Variants in EFCAB12 observed in about 807,000 individuals in gnomAD.
The protein encoded by EFCAB12 is EF-hand calcium-binding domain-containing protein 12.
In EFCAB12, 43 loss-of-function variants were observed where a neutral mutation model predicts 53.6. That is an observed-to-expected ratio of 0.80 (90% CI 0.63 to 1.03). The LOEUF is 1.03. Ranked by LOEUF, EFCAB12 falls within the 50% of genes least tolerant of loss-of-function variation. The pLI is 0.00. For synonymous variants in EFCAB12, 269 were observed against 289.2 expected (o/e 0.93, Z 0.71); for missense variants, 646 against 730.6 (o/e 0.88, Z 1.34).
At chr3:129,420,969 A>C (rs2072180135) in intron 2 of EFCAB12, among the ~76,000 whole-genome samples, 1 of 152,220 alleles carries the variant, frequency 6.6e-6, no homozygotes, top group African/African-American at 2.4e-5. Context: ...CCATGTGGGG[A>C]GGAACTGAGG....
intron 6 of EFCAB12, among the ~76,000 whole-genome samples, chr3:129,406,203 T>C (rs142912751): frequency 6.6e-6 from 1 of 152,182 alleles, no homozygotes; most frequent in East Asian, 1.9e-4. Context: ...AAGACCATGG[T>C]GTAAATAATC....
intron 3 of EFCAB12, among the ~76,000 whole-genome samples, chr3:129,417,890 C>T (rs192547202): frequency 1.3e-4 from 20 of 151,358 alleles, no homozygotes; most frequent in Non-Finnish European, 2.8e-4. Context: ...AACTTATATG[C>T]CAGTGACAGT....
chr3:129,423,688 T>C (rs2072216648), intron 1 of EFCAB12, among the ~76,000 whole-genome samples: 1 of 152,102 alleles, frequency 6.6e-6, no homozygotes, highest in Admixed American at 6.6e-5. Context: ...CACTGTCATT[T>C]TCCTCCTAAA....
chr3:129,425,414 A>C, intron 1 of EFCAB12, among the ~76,000 whole-genome samples: 2 of 147,678 alleles, frequency 1.4e-5, no homozygotes, highest in African/African-American at 5.0e-5. Flanking sequence ...CCGCCCCCTC[A>C]CTCATGTGGT....
chr3:129,407,024 C>G (rs1174671585), intron 6 of EFCAB12, among the ~76,000 whole-genome samples: 1 of 152,118 alleles, frequency 6.6e-6, no homozygotes, highest in South Asian at 2.1e-4. Flanking sequence ...CTGTGCCCAG[C>G]CTGGAGATAA....
chr3:129,401,386 A>T lies in EFCAB12; in HGVS notation c.*207T>A. The T allele has an allele frequency of 1.6e-6, 1 of 613,916 alleles. No individual in the cohort carries two copies. Among genetic ancestry groups the T allele is most frequent in the African/African-American group, 1.8e-5 (1 of 54,322 alleles). The allele number at this position is 613,916 out of a possible 1,614,324, so 38.0% of individuals were successfully genotyped here. ...CAGAGGTCAGGGGAGGGAAATAGTC[A>T]AAAACTGCACGTCATTCCTTGGACA... On this transcript the variant is annotated 3_prime_UTR_variant, in exon 9 of 9. Coordinates refer to ENST00000505956, the MANE Select transcript of EFCAB12 (RefSeq NM_207307.3).
At chr3:129,424,635 C>T (rs2072249042) in intron 1 of EFCAB12, among the ~76,000 whole-genome samples, 1 of 152,226 alleles carries the variant, frequency 6.6e-6, no homozygotes, top group South Asian at 2.1e-4. Flanking sequence ...AGATATTACA[C>T]ATCAATAGGG....
Position 129,421,527 on chromosome 3 carries a change from C to T in EFCAB12, c.326G>A (p.Arg109Lys). 1.9e-6 allele frequency: 3 copies of T among 1,614,056 alleles called. No individual in the cohort carries two copies. Among genetic ancestry groups the T allele is most frequent in the South Asian group, 1.1e-5 (1 of 91,088 alleles). Residue 109 changes from arginine to lysine, a missense_variant, in exon 2 of 9, where the codon AGG becomes AAG. By Grantham distance (26) the Arg-to-Lys change is conservative (BLOSUM62 2). Coordinates refer to ENST00000505956, the MANE Select transcript of EFCAB12 (RefSeq NM_207307.3). ...PEDRKTWLSQ[R>K]SKLRQELESF... ...CTCTAGCTCCTGCCGCAGCTTCGAC[C>T]TCTGGCTCAGCCAGGTCTTCCTGTC...
Position 129,404,269 on chromosome 3 carries a change from T to G in EFCAB12, c.1384A>C (p.Lys462Gln). ...CTCAGCTTGTCAGTCCTCTTAGACT[T>G]GCCAGGGCCCTGGGACCGGAGCAGA... ...LALLRSQGPG[K>Q]SKRTDKKTPK... is the part of the protein sequence containing the mutation. Residue 462 changes from lysine (K) to glutamine (Q), a missense_variant, in exon 7 of 9, where the codon AAG becomes CAG. By Grantham distance (53) the Lys-to-Gln change is moderately conservative. Transcript: ENST00000505956. The G allele has an allele frequency of 6.2e-7, 1 of 1,613,610 alleles. No individual in the cohort carries two copies. Among genetic ancestry groups the G allele is most frequent in the Non-Finnish European group, 8.5e-7 (1 of 1,179,676 alleles).
chr3:129,408,521 C>T, intron 6 of EFCAB12, 124 bp downstream of exon 6: 1 of 1,062,942 alleles, frequency 9.4e-7, no homozygotes, highest in South Asian at 1.5e-5. Context: ...GCCTTATTCC[C>T]AATGTCCCCA....
intron 2 of EFCAB12, among the ~76,000 whole-genome samples, chr3:129,420,297 T>C (rs2072172795): frequency 6.6e-6 from 1 of 152,196 alleles, no homozygotes; most frequent in South Asian, 2.1e-4. Flanking sequence ...TTAGACATCA[T>C]AGCGACCCCA....
chr3:129,428,377 C>T, intron 1 of EFCAB12, 63 bp downstream of exon 1: 2 of 1,559,170 alleles, frequency 1.3e-6, no homozygotes, highest in South Asian at 1.2e-5. Context: ...TTGCCCTCAC[C>T]CCACTTTCAC....
chr3:129,403,186 C>T (rs73202266), intron 7 of EFCAB12: 11,516 of 152,920 alleles, frequency 0.075, 503 homozygotes, highest in South Asian at 0.1. Context: ...TTCCCAGCCA[C>T]TTCCTGGCCC....
chr3:129,418,262 C>T lies in EFCAB12; in HGVS notation c.673G>A (p.Val225Ile), dbSNP rs757319040. The change falls in exon 3 of 9, where the codon GTA becomes ATA. Residue 225 changes from valine (V) to isoleucine (I), a missense_variant. Physicochemically the swap from Val to Ile is conservative, Grantham distance 29. Coordinates refer to ENST00000505956, the MANE Select transcript of EFCAB12 (RefSeq NM_207307.3). ...AAGCAGGTGGCACTTACTGCCTTTACAGCCGCGATGAACTCCTCCCTGGTG... is the reference window on the plus strand; with the variant it reads ...AAGCAGGTGGCACTTACTGCCTTTATAGCCGCGATGAACTCCTCCCTGGTG... ...RITREEFIAAVKAVGVPLKNQ... is the reference protein window; with the variant it reads ...RITREEFIAAIKAVGVPLKNQ... 6.8e-6 allele frequency: 11 copies of T among 1,608,654 alleles called. No individual in the cohort carries two copies. Among genetic ancestry groups the T allele is most frequent in the East Asian group, 2.2e-5 (1 of 44,794 alleles).
intron 7 of EFCAB12, 161 bp from the exon 8 acceptor site, chr3:129,402,740 G>A (rs1275714655): frequency 1.5e-6 from 1 of 657,360 alleles, no homozygotes; most frequent in Non-Finnish European, 2.6e-6. Flanking sequence ...CTGACTCTGT[G>A]CCTCCATGCT....
chr3:129,420,398 C>A (rs1377197803), intron 2 of EFCAB12, among the ~76,000 whole-genome samples: 1 of 152,172 alleles, frequency 6.6e-6, no homozygotes, highest in African/African-American at 2.4e-5. Context: ...TATGTTTAAA[C>A]CCAACTTATC....
In EFCAB12 at chr3:129,411,180, C is replaced by A; in HGVS notation, c.1013G>T (p.Arg338Leu). The change falls in exon 5 of 9, where the codon CGC becomes CTC. Residue 338 changes from arginine to leucine, a missense_variant. By Grantham distance (102) the Arg-to-Leu change is moderately radical. Coordinates refer to ENST00000505956, the MANE Select transcript of EFCAB12 (RefSeq NM_207307.3). ...EEMEEVGKRY[R>L]ERQRQHKLTI... The stretch of plus-strand genomic sequence containing the variant: ...TACCTTGTGCTGTCGCTGCCGCTCG[C>A]GGTACCGCTTGCCCACTTCCTCCAT... 2 of 1,603,946 alleles carry A rather than the reference C, an allele frequency of 1.2e-6. No homozygotes were observed. Among genetic ancestry groups the A allele is most frequent in the Non-Finnish European group, 1.7e-6 (2 of 1,175,336 alleles).
At chr3:129,401,959 C>T in intron 8 of EFCAB12, 108 bp from the exon 9 acceptor site, 1 of 1,432,306 alleles carries the variant, frequency 7.0e-7, no homozygotes. Flanking sequence ...TAGCACTGTG[C>T]CAAGCACTTC....
chr3:129,412,544 A>G (rs930531011), intron 4 of EFCAB12: 1 of 152,386 alleles, frequency 6.6e-6, no homozygotes, highest in Admixed American at 6.6e-5. Context: ...ACCAAAACCC[A>G]GAGTCCTCTC....
Sources: allele counts gnomAD v4.1 joint callset (sites outside exome capture counted in the v4.1 genomes callset), GRCh38; gene constraint gnomAD v4.1.1; transcripts MANE v1.5; gene names NCBI Gene and HGNC (gene_info 2026-07-23, HGNC 2026-07-21).